RPA1: variants seen among roughly 807,000 people sequenced by gnomAD.
The protein encoded by RPA1 is replication protein A1.
RPA1 carries 49 observed loss-of-function variants against 83.0 expected under a neutral mutation model. That is an observed-to-expected ratio of 0.59 (90% confidence interval 0.47 to 0.75). The LOEUF (loss-of-function observed/expected upper bound fraction) is 0.75, where lower values mean the gene tolerates loss of function less well. Ranked by LOEUF, RPA1 falls within the 30% of genes least tolerant of loss-of-function variation. RPA1 has a pLI of 0.00. For missense variants in RPA1, 693 were observed against 776.1 expected (o/e 0.89, Z 1.27); for synonymous variants, 279 against 281.8 (o/e 0.99, Z 0.10).
At chr17:1,891,776 C>A in intron 14 of RPA1, 57 bp from the exon 15 acceptor site, 2 of 1,156,838 alleles carry the variant, frequency 1.7e-6, no homozygotes, top group Non-Finnish European at 1.3e-6. Flanking sequence ...TCCCCATCTT[C>A]TCAGTGTGTC....
chr17:1,856,197 C>G (rs1045291760), intron 5 of RPA1, among the ~76,000 whole-genome samples: 3 of 151,852 alleles, frequency 2.0e-5, no homozygotes, highest in Admixed American at 2.0e-4. Flanking sequence ...TGGTGGCGCT[C>G]CTGCACCTGT....
At position 1,844,590 on chromosome 17, in the gene RPA1, C is replaced by T. The variant is rs756745134; in HGVS notation, c.176C>T (p.Ala59Val). Reference sequence around the variant, plus strand: ...CTGTGGTTTTCAGCTTTCATGTTGGCGACACAGTTGAACCCTCTCGTGGAG... The same window carrying T: ...CTGTGGTTTTCAGCTTTCATGTTGGTGACACAGTTGAACCCTCTCGTGGAG... ...GLNTLSSFMLATQLNPLVEEE... is the reference protein window; with the variant it reads ...GLNTLSSFMLVTQLNPLVEEE... The change falls in exon 4 of 17, where the codon GCG (alanine) becomes GTG (valine). Residue 59 changes from alanine to valine, a missense_variant. Transcript: ENST00000254719. 8 of 1,612,284 alleles carry T rather than the reference C, an allele frequency of 5.0e-6. No homozygotes were observed. Among genetic ancestry groups the T allele is most frequent in the South Asian group, 3.3e-5 (3 of 90,638 alleles).
Position 1,879,582 on chromosome 17 carries a change from C to G in RPA1, c.975C>G (p.Ser325Arg), listed in dbSNP as rs1156498089. ...SLVDIIGICK[S>R]YEDATKITVR... is the part of the protein sequence containing the mutation. ...TAGACATCATCGGGATCTGCAAGAG[C>G]TATGAAGACGCCACTAAAATCACAG... Residue 325 changes from serine (S) to arginine (R), a missense_variant, in exon 11 of 17, where the codon AGC (serine) becomes AGG (arginine). Transcript: ENST00000254719. The G allele has an allele frequency of 6.2e-7, 1 of 1,614,236 alleles. No individual in the cohort carries two copies. The highest frequency in any genetic ancestry group is 2.2e-5 in the East Asian group (1 of 44,888).
At chr17:1,862,225 G>A (rs1214650763) in intron 5 of RPA1, among the ~76,000 whole-genome samples, 4 of 110,806 alleles carry the variant, frequency 3.6e-5, no homozygotes, top group East Asian at 2.8e-4. Flanking sequence ...TTTTTGTAGC[G>A]ATGGAGTCTA....
intron 2 of RPA1, among the ~76,000 whole-genome samples, chr17:1,843,471 C>T (rs539521357): frequency 4.5e-4 from 68 of 152,038 alleles, no homozygotes; most frequent in Non-Finnish European, 9.0e-4. Flanking sequence ...ATCACGGACA[C>T]ATCACTTACG....
chr17:1,888,925 C>T, intron 14 of RPA1, 74 bp downstream of exon 14: 1 of 1,487,060 alleles, frequency 6.7e-7, no homozygotes, highest in Non-Finnish European at 9.2e-7. Flanking sequence ...ACTGTGGTCA[C>T]AACAGTAGAG....
chr17:1,877,612 G>T (rs1005428157), intron 8 of RPA1, among the ~76,000 whole-genome samples: 11 of 152,224 alleles, frequency 7.2e-5, no homozygotes, highest in Middle Eastern at 3.2e-3. Context: ...GACAGCGTTT[G>T]TAGCAGTAGA....
At chr17:1,876,589 A>G (rs1439035619) in intron 7 of RPA1, among the ~76,000 whole-genome samples, 1 of 152,218 alleles carries the variant, frequency 6.6e-6, no homozygotes, top group Non-Finnish European at 1.5e-5. Flanking sequence ...TAATTTGAAT[A>G]GTTAAAAATT....
intron 6 of RPA1, among the ~76,000 whole-genome samples, chr17:1,874,107 A>G (rs985980362): frequency 4.0e-5 from 6 of 151,062 alleles, no homozygotes; most frequent in Non-Finnish European, 8.8e-5. Flanking sequence ...AGTGGTAAAT[A>G]ATCATTTCCT....
chr17:1,834,943 C>A (rs971102939), intron 1 of RPA1, among the ~76,000 whole-genome samples: 1 of 152,092 alleles, frequency 6.6e-6, no homozygotes, highest in African/African-American at 2.4e-5. Flanking sequence ...CTCACTGCAA[C>A]CTTCACCTCC....
intron 5 of RPA1, among the ~76,000 whole-genome samples, chr17:1,871,915 T>A (rs1453249637): frequency 6.6e-6 from 1 of 152,168 alleles, no homozygotes; most frequent in Non-Finnish European, 1.5e-5. Flanking sequence ...AAAATAAGGT[T>A]GCTTTGTTTG....
intron 5 of RPA1, chr17:1,858,055 C>T (rs1912780888): frequency 1.4e-5 from 23 of 1,612,348 alleles, no homozygotes; most frequent in Non-Finnish European, 2.5e-6. Context: ...GGCTGCCAGC[C>T]CCATAGAGGA....
chr17:1,841,326 G>A (rs1597419945), intron 1 of RPA1, among the ~76,000 whole-genome samples: 1 of 151,954 alleles, frequency 6.6e-6, no homozygotes, highest in Non-Finnish European at 1.5e-5. Flanking sequence ...TATTTTGAGA[G>A]GGAGCCTCAC....
rs1024120119 is a variant in RPA1, at chr17:1,884,885, G to A, written c.1374+941G>A. ...AAAAATGCTGACAATCATCTGAGTC[G>A]TAATCTTCTTGCTGGTGGGGGTTTG... On this transcript the variant is annotated intron_variant, in intron 13 of 16. Transcript: ENST00000254719. This position sits in a 1 kb window ranked among gnomAD's most constrained non-coding sequence, Gnocchi z 4.1. 7.2e-5 allele frequency among the ~76,000 whole-genome samples: 11 copies of A among 152,160 alleles called. No individual in the cohort carries two copies. The highest frequency in any genetic ancestry group is 1.4e-4 in the African/African-American group (6 of 41,440).
chr17:1,884,639 T>G lies in RPA1; in HGVS notation c.1374+695T>G, dbSNP rs1412641116. 2.6e-5 allele frequency among the ~76,000 whole-genome samples: 4 copies of G among 152,224 alleles called. No individual in the cohort carries two copies. The highest frequency in any genetic ancestry group is 9.6e-5 in the African/African-American group (4 of 41,462). ...TCCTGTCTCATTTCACTGTATACCCTTATCCATCATTGTCAACAGCAGCTC... is the reference window on the plus strand; with the variant it reads ...TCCTGTCTCATTTCACTGTATACCCGTATCCATCATTGTCAACAGCAGCTC... On this transcript the variant is annotated intron_variant, in intron 13 of 16. Coordinates refer to ENST00000254719, the MANE Select transcript of RPA1 (RefSeq NM_002945.5). The surrounding 1 kb of genome is among the most constrained non-coding windows in gnomAD (Gnocchi z 4.1).
intron 4 of RPA1, among the ~76,000 whole-genome samples, chr17:1,845,084 C>T (rs575755458): frequency 6.7e-4 from 102 of 151,966 alleles, no homozygotes; most frequent in African/African-American, 2.3e-3. Flanking sequence ...CCATCATGCC[C>T]GGCCTCAAAA....
At chr17:1,858,692 T>G (rs1912817756) in intron 5 of RPA1, among the ~76,000 whole-genome samples, 1 of 151,866 alleles carries the variant, frequency 6.6e-6, no homozygotes. Flanking sequence ...CTTGAACTCC[T>G]GCCCTCAAGT....
At chr17:1,882,161 G>T (rs999112457) in intron 12 of RPA1, among the ~76,000 whole-genome samples, 1 of 152,008 alleles carries the variant, frequency 6.6e-6, no homozygotes, top group Non-Finnish European at 1.5e-5. Flanking sequence ...GCTCCTCTCC[G>T]CCACCACTGT....
At position 1,895,162 on chromosome 17, in the gene RPA1, G is replaced by A. The variant is rs17292482; in HGVS notation, c.1746+67G>A. The A allele has an allele frequency of 1.6e-3, 2,050 of 1,276,742 alleles. 26 individuals are homozygous for A. In the African/African-American group the frequency reaches 0.027, roughly 17 times the overall value. 79.1% of individuals were successfully genotyped at this position (1,276,742 alleles called of 1,614,324 possible). A position where few individuals can be genotyped will look rare whatever the true frequency, so the allele number is the denominator to read the frequency against. ...GCTGTTTGTCACCTACGGCAGTGTC[G>A]TGACACTCCCTGGCAGGGAGTTACT... On this transcript the variant is annotated intron_variant, in intron 16 of 16. Coordinates refer to ENST00000254719, the MANE Select transcript of RPA1 (RefSeq NM_002945.5).
Sources: allele counts gnomAD v4.1 joint callset (sites outside exome capture counted in the v4.1 genomes callset), GRCh38; gene constraint gnomAD v4.1.1; non-coding constraint Gnocchi (gnomAD v3.1); transcripts MANE v1.5; gene names NCBI Gene and HGNC (gene_info 2026-07-23, HGNC 2026-07-21).